Variants in SYMPK observed in about 807,000 individuals in gnomAD.
SYMPK encodes the protein symplekin scaffold protein, also known as symplekin.
In SYMPK, 49 loss-of-function variants were observed where a neutral mutation model predicts 136.4. The observed-to-expected ratio is 0.36, with a 90% CI of 0.29 to 0.46. The LOEUF (loss-of-function observed/expected upper bound fraction) is 0.46, where lower values mean the gene tolerates loss of function less well. Ranked by LOEUF, SYMPK falls within the 20% of genes least tolerant of loss-of-function variation. SYMPK has a pLI of 1.00. For missense variants in SYMPK, 1,365 were observed against 1,690.0 expected (o/e 0.81, Z 3.37); for synonymous variants, 766 against 713.0 (o/e 1.07, Z -1.19).
In SYMPK at chr19:45,848,605, C is replaced by T. The variant is rs1207057121; in HGVS notation, c.426+145G>A. The T allele has an allele frequency of 3.6e-6, 4 of 1,118,908 alleles. 1 individual carries two copies. The highest frequency in any genetic ancestry group is 5.2e-6 in the Non-Finnish European group (4 of 773,472). 69.3% of individuals were successfully genotyped at this position (1,118,908 alleles called of 1,614,324 possible). A position where few individuals can be genotyped will look rare whatever the true frequency, so the allele number is the denominator to read the frequency against. On this transcript the variant is annotated intron_variant, in intron 6 of 26. Transcript: ENST00000245934. Reference sequence around the variant, plus strand: ...TTCCTGACCTAGGAGACAACGTTAGCTCTCCATGTTATCTGTTCCCACAGA... The same window carrying T: ...TTCCTGACCTAGGAGACAACGTTAGTTCTCCATGTTATCTGTTCCCACAGA...
At chr19:45,860,074 T>G (rs190075799) in intron 1 of SYMPK, among the ~76,000 whole-genome samples, 1 of 149,052 alleles carries the variant, frequency 6.7e-6, no homozygotes, top group Non-Finnish European at 1.5e-5. Flanking sequence ...GAAGTATGAT[T>G]GGGCCACCGT....
chr19:45,818,159 G>A lies in SYMPK; in HGVS notation c.2894-13C>T, dbSNP rs548471606. The A allele has an allele frequency of 1.0e-5, 16 of 1,533,088 alleles. No individual in the cohort carries two copies. The highest frequency in any genetic ancestry group is 7.4e-5 in the South Asian group (6 of 81,466). The allele number at this position is 1,533,088 out of a possible 1,614,324, so 95.0% of individuals were successfully genotyped here. A position where few individuals can be genotyped will look rare whatever the true frequency, so the allele number is the denominator to read the frequency against. On this transcript the variant is annotated splice_polypyrimidine_tract_variant and intron_variant, in intron 22 of 26. Transcript: ENST00000245934. ...CACAGGTTGGTGGCTGCGAGGAGGCGGAGAGTGGGCCTGTCCTCTCTGCCC... is the reference window on the plus strand; with the variant it reads ...CACAGGTTGGTGGCTGCGAGGAGGCAGAGAGTGGGCCTGTCCTCTCTGCCC...
At chr19:45,825,435 G>C (rs1200536112) in intron 17 of SYMPK, 104 bp from the exon 18 acceptor site, 43 of 1,400,042 alleles carry the variant, frequency 3.1e-5, no homozygotes, top group Non-Finnish European at 3.7e-5. Flanking sequence ...GGAGGGCAGA[G>C]AAGGGAGCCG....
At chr19:45,837,988 T>G (rs1971343316) in intron 10 of SYMPK, among the ~76,000 whole-genome samples, 1 of 152,110 alleles carries the variant, frequency 6.6e-6, no homozygotes, top group Non-Finnish European at 1.5e-5. Context: ...TGAGGCTCAC[T>G]GATGTAGTCT....
Position 45,821,629 on chromosome 19 carries a change from C to T in SYMPK, c.2792-144G>A, listed in dbSNP as rs1970899724. 3.1e-6 allele frequency: 2 copies of T among 648,692 alleles called. No homozygotes were observed. The highest frequency in any genetic ancestry group is 5.4e-6 in the Non-Finnish European group (2 of 368,534). The allele number at this position is 648,692 out of a possible 1,614,324, so 40.2% of individuals were successfully genotyped here. A position where few individuals can be genotyped will look rare whatever the true frequency, so the allele number is the denominator to read the frequency against. ...GGGCTGGAACAGGGGAAGCGACTGA[C>T]AACATAAAAAGGGGACACCGAAGGC... On this transcript the variant is annotated intron_variant, in intron 21 of 26. Transcript: ENST00000245934. This position sits in a 1 kb window ranked among gnomAD's most constrained non-coding sequence, Gnocchi z 4.4.
At chr19:45,843,979 A>T in intron 8 of SYMPK, 51 bp downstream of exon 8, 1 of 622,624 alleles carries the variant, frequency 1.6e-6, no homozygotes, top group Non-Finnish European at 2.4e-6. Flanking sequence ...AAGAAAGAGC[A>T]GACTGGCCAG....
intron 13 of SYMPK, 33 bp from the exon 14 acceptor site, chr19:45,829,238 G>T: frequency 6.3e-7 from 1 of 1,591,470 alleles, no homozygotes; most frequent in South Asian, 1.1e-5. Flanking sequence ...TGTCAGTGTA[G>T]GGTGGGCAAT....
intron 9 of SYMPK, among the ~76,000 whole-genome samples, chr19:45,841,071 T>C (rs1212023482): frequency 1.3e-5 from 2 of 151,608 alleles, no homozygotes; most frequent in Non-Finnish European, 2.9e-5. Context: ...CTGCAACCAC[T>C]GCCCCCAGTT....
chr19:45,817,007 G>A (rs1188224769), intron 23 of SYMPK, 33 bp from the exon 24 acceptor site: 4 of 1,544,328 alleles, frequency 2.6e-6, no homozygotes, highest in Non-Finnish European at 3.5e-6. Flanking sequence ...CGTCGGGAGA[G>A]GCACACAGGC....
Position 45,854,206 on chromosome 19 carries a change from G to T in SYMPK, c.140C>A (p.Thr47Asn), listed in dbSNP as rs925677406. The change falls in exon 3 of 27, where the codon ACC becomes AAC. Residue 47 changes from threonine (T) to asparagine (N), a missense_variant. This residue lies in a region of SYMPK where 61 missense variants were observed against 80.7 expected (regional missense o/e 0.76). Coordinates refer to ENST00000245934, the MANE Select transcript of SYMPK (RefSeq NM_004819.3). ...GAGCACTGTGATCTTTGAGTCATTG[G>T]TGATCAGCGCCGCCTGGTTCAGAAG... ...VDLLNQAALI[T>N]NDSKITVLKQ... 1 of 1,614,048 alleles carries T rather than the reference G, an allele frequency of 6.2e-7. No homozygotes were observed. The highest frequency in any genetic ancestry group is 1.7e-5 in the Admixed American group (1 of 59,998).
intron 11 of SYMPK, among the ~76,000 whole-genome samples, chr19:45,833,036 G>A (rs527463307): frequency 1.4e-4 from 20 of 138,278 alleles, no homozygotes; most frequent in Non-Finnish European, 2.5e-4. Context: ...AAAAAAAACC[G>A]TGAAAAACAA....
At chr19:45,836,028 C>T (rs1039375354) in intron 10 of SYMPK, among the ~76,000 whole-genome samples, 1 of 152,146 alleles carries the variant, frequency 6.6e-6, no homozygotes, top group African/African-American at 2.4e-5. Context: ...AGAATCCTAA[C>T]AGAGAACATC....
intron 5 of SYMPK, 54 bp from the exon 6 acceptor site, chr19:45,848,930 G>A (rs1158232818): frequency 6.2e-7 from 1 of 1,609,742 alleles, no homozygotes; most frequent in South Asian, 1.1e-5. Context: ...AGAGCAAGTA[G>A]GAGGAGCCTG....
chr19:45,821,613 C>T lies in SYMPK; in HGVS notation c.2792-128G>A. ...GTGCCCTCTGCTTTCAGGGCTGGAACAGGGGAAGCGACTGACAACATAAAA... is the reference window on the plus strand; with the variant it reads ...GTGCCCTCTGCTTTCAGGGCTGGAATAGGGGAAGCGACTGACAACATAAAA... On this transcript the variant is annotated intron_variant, in intron 21 of 26. Transcript: ENST00000245934. This position sits in a 1 kb window ranked among gnomAD's most constrained non-coding sequence, Gnocchi z 4.4. 1.5e-6 allele frequency: 1 copy of T among 673,208 alleles called. No individual in the cohort carries two copies. The highest frequency in any genetic ancestry group is 2.6e-6 in the Non-Finnish European group (1 of 383,898). The allele number at this position is 673,208 out of a possible 1,614,324, so 41.7% of individuals were successfully genotyped here.
chr19:45,825,789 G>A (rs575388943), intron 17 of SYMPK, among the ~76,000 whole-genome samples: 1 of 152,236 alleles, frequency 6.6e-6, no homozygotes, highest in African/African-American at 2.4e-5. Flanking sequence ...CTGGTCCACG[G>A]CACCTGCTCA....
At chr19:45,843,589 C>A (rs568825249) in intron 8 of SYMPK, among the ~76,000 whole-genome samples, 3 of 152,246 alleles carry the variant, frequency 2.0e-5, no homozygotes, top group South Asian at 2.1e-4. Flanking sequence ...TGTAGAGAAT[C>A]TCAGGCCTGC....
chr19:45,845,188 C>A (rs1224944438), intron 7 of SYMPK, among the ~76,000 whole-genome samples: 1 of 151,912 alleles, frequency 6.6e-6, no homozygotes, highest in Non-Finnish European at 1.5e-5. Flanking sequence ...TCTCGGCTCA[C>A]TGCAACCTCC....
At chr19:45,822,689 C>A in intron 21 of SYMPK, 67 bp downstream of exon 21, 1 of 1,414,414 alleles carries the variant, frequency 7.1e-7, no homozygotes, top group Non-Finnish European at 1.0e-6. Context: ...GGTGCCTGCA[C>A]CTTGCCTTCT....
rs79977829 is a variant in SYMPK, at chr19:45,821,563, C to T, written c.2792-78G>A. On this transcript the variant is annotated intron_variant, in intron 21 of 26. Transcript: ENST00000245934. The surrounding 1 kb of genome is among the most constrained non-coding windows in gnomAD (Gnocchi z 4.4). ...AGAGATGGGTCTGAGTTCCCCAGAT[C>T]GGGGGAGCTGCGAGCAAAGATGAGG... 21 of 962,032 alleles carry T rather than the reference C, an allele frequency of 2.2e-5. 1 individual carries two copies. The highest frequency in any genetic ancestry group is 2.1e-4 in the Admixed American group (9 of 43,314). 59.6% of individuals were successfully genotyped at this position (962,032 alleles called of 1,614,324 possible). A position where few individuals can be genotyped will look rare whatever the true frequency, so the allele number is the denominator to read the frequency against.
Sources: gnomAD v4.1 joint callset for allele counts (sites outside exome capture counted in the v4.1 genomes callset) on GRCh38, gnomAD v4.1.1 for gene constraint, gnomAD v4.1.1 regional missense constraint, Gnocchi (gnomAD v3.1) non-coding constraint, MANE v1.5 for transcripts, NCBI Gene and HGNC (gene_info 2026-07-23, HGNC 2026-07-21) for gene names.